Variants in ZNF41 observed in about 807,000 individuals in gnomAD.
ZNF41 encodes the protein zinc finger protein 41.
In ZNF41, 6 loss-of-function variants were observed where a neutral mutation model predicts 9.3. That is an observed-to-expected ratio of 0.65 (90% CI 0.35 to 1.28). ZNF41 has a LOEUF of 1.28. ZNF41 is among the 50% of genes most tolerant of loss of function. The pLI is 0.03. For missense variants in ZNF41, 523 were observed against 585.8 expected, an observed-to-expected ratio of 0.89 and a Z score of 1.11; for synonymous variants, 192 against 207.1, an observed-to-expected ratio of 0.93 and a Z score of 0.63.
At chrX:47,460,534 A>G (rs964379433) in intron 2 of ZNF41, among the ~76,000 whole-genome samples, 2 of 111,977 alleles carry the variant, frequency 1.8e-5, no homozygotes, top group African/African-American at 6.5e-5. Flanking sequence ...GCTCAGCTAG[A>G]AGATGTAGAG....
intron 1 of ZNF41, among the ~76,000 whole-genome samples, chrX:47,469,855 G>A (rs1463859552): frequency 9.0e-6 from 1 of 111,127 alleles, no homozygotes; most frequent in Non-Finnish European, 1.9e-5. Flanking sequence ...GAGTGAGAGA[G>A]AGAGAGAGAC....
At position 47,448,346 on chromosome X, in the gene ZNF41, G is replaced by A; in HGVS notation, c.1424C>T (p.Ser475Phe). 8.3e-7 allele frequency: 1 copy of A among 1,209,905 alleles called. No individual in the cohort carries two copies. The highest frequency in any genetic ancestry group is 1.1e-6 in the Non-Finnish European group (1 of 894,632). Residue 475 changes from serine to phenylalanine, a missense_variant, in exon 5 of 5, where the codon TCC becomes TTC. Coordinates refer to ENST00000684689, the MANE Select transcript of ZNF41 (RefSeq NM_001324144.2). ...KPYECSDCGK[S>F]FTKKSQLHVH... ...ATGGAGTTGTGACTTCTTAGTGAAG[G>A]ATTTCCCACAGTCACTGCATTCATA...
At chrX:47,459,827 A>G (rs1400779967) in intron 2 of ZNF41, among the ~76,000 whole-genome samples, 1 of 107,106 alleles carries the variant, frequency 9.3e-6, no homozygotes, top group East Asian at 2.9e-4. Flanking sequence ...TCTGAGCTCT[A>G]TTTCACATTA....
chrX:47,449,403 G>T lies in ZNF41; in HGVS notation c.367C>A (p.Gln123Lys). ...GIFFHCERFDQPIGEDSLCSI... is the reference protein window; with the variant it reads ...GIFFHCERFDKPIGEDSLCSI... Reference sequence around the variant, plus strand: ...CATAATGAATCTTCTCCTATGGGTTGATCAAATCTCTCACAGTGGAAGAAA... The same window carrying T: ...CATAATGAATCTTCTCCTATGGGTTTATCAAATCTCTCACAGTGGAAGAAA... Residue 123 changes from glutamine (Q) to lysine (K), a missense_variant, in exon 5 of 5, where the codon CAA becomes AAA. Gln to Lys is a moderately conservative substitution (Grantham distance 53, BLOSUM62 1). Coordinates refer to ENST00000684689, the MANE Select transcript of ZNF41 (RefSeq NM_001324144.2). 1 of 1,210,349 alleles carries T rather than the reference G, an allele frequency of 8.3e-7. No homozygotes were observed. The highest frequency in any genetic ancestry group is 1.1e-6 in the Non-Finnish European group (1 of 894,535).
At chrX:47,458,362 T>C (rs927520837) in intron 2 of ZNF41, among the ~76,000 whole-genome samples, 1 of 112,111 alleles carries the variant, frequency 8.9e-6, no homozygotes, top group Non-Finnish European at 1.9e-5. Context: ...TAAGAATTTA[T>C]TGGATTAAGA....
intron 2 of ZNF41, among the ~76,000 whole-genome samples, chrX:47,460,098 T>C (rs925697854): frequency 1.8e-5 from 2 of 111,034 alleles, no homozygotes; most frequent in Admixed American, 9.7e-5. Flanking sequence ...AAATAAAATA[T>C]ATAGCACACA....
intron 2 of ZNF41, among the ~76,000 whole-genome samples, chrX:47,460,013 C>G (rs1181318275): frequency 1.8e-5 from 2 of 110,464 alleles, no homozygotes; most frequent in Non-Finnish European, 3.8e-5. Flanking sequence ...CTTTGGGAGG[C>G]CAAGGCAGGA....
intron 2 of ZNF41, among the ~76,000 whole-genome samples, chrX:47,462,964 CACAT>C (rs780144241): frequency 0.22 from 22,680 of 103,851 alleles, 2,522 homozygotes; most frequent in South Asian, 0.37. Context: ...CACACACACA[CACAT>C]ATGTGTACAC....
intron 2 of ZNF41, among the ~76,000 whole-genome samples, chrX:47,458,782 GTTTTT>G (rs1184827489): frequency 8.1e-4 from 84 of 103,456 alleles, no homozygotes; most frequent in African/African-American, 2.9e-3. Context: ...TTTTTGTTTT[GTTTTT>G]TTTTTTTGTA....
At position 47,448,815 on chromosome X, in the gene ZNF41, T is replaced by C. The variant is rs375652777; in HGVS notation, c.955A>G (p.Ser319Gly). Residue 319 changes from serine (S) to glycine (G), a missense_variant, in exon 5 of 5, where the codon AGT becomes GGT. Ser to Gly is a moderately conservative substitution (Grantham distance 56). Transcript: ENST00000684689. ...TAGGGTTTTTCTCCTGTATAAACAC[T>C]TGGATGTACATCAACCTGGGGTTTC... The part of the protein sequence containing the change: ...PQKPQVDVHP[S>G]VYTGEKPYLC... The C allele has an allele frequency of 8.3e-7, 1 of 1,211,783 alleles. No homozygotes were observed.
chrX:47,450,406 A>T (rs6608722), intron 4 of ZNF41, among the ~76,000 whole-genome samples: 32,960 of 109,095 alleles, frequency 0.3, 3,744 homozygotes, highest in South Asian at 0.43. Flanking sequence ...AGACGGGGTT[A>T]CACCATGTTG....
chrX:47,450,316 T>C (rs777095435), intron 4 of ZNF41, among the ~76,000 whole-genome samples: 1 of 110,946 alleles, frequency 9.0e-6, no homozygotes, highest in East Asian at 2.8e-4. Context: ...GTTCAAGTGG[T>C]TCGCCTGCTT....
At chrX:47,458,768 T>A (rs2056664721) in intron 2 of ZNF41, among the ~76,000 whole-genome samples, 1 of 107,189 alleles carries the variant, frequency 9.3e-6, no homozygotes, top group African/African-American at 3.4e-5. Flanking sequence ...GCTGCTTCGT[T>A]TTTTTTTTGT....
At chrX:47,454,659 T>C (rs992827585) in intron 4 of ZNF41, among the ~76,000 whole-genome samples, 1 of 111,178 alleles carries the variant, frequency 9.0e-6, no homozygotes, top group Non-Finnish European at 1.9e-5. Context: ...CATGACTAGG[T>C]GAGTGGTTAA....
intron 1 of ZNF41, among the ~76,000 whole-genome samples, chrX:47,468,311 C>T (rs753491006): frequency 9.0e-6 from 1 of 111,718 alleles, no homozygotes; most frequent in Non-Finnish European, 1.9e-5. Flanking sequence ...GTTCCTGCTA[C>T]CTTCAAAGTG....
Position 47,448,468 on chromosome X carries a change from C to T in ZNF41, c.1302G>A (p.Thr434=), listed in dbSNP as rs746942789. 9.1e-6 allele frequency: 11 copies of T among 1,210,745 alleles called. No homozygotes were observed. Among genetic ancestry groups the T allele is most frequent in the East Asian group, 3.0e-5 (1 of 33,795 alleles). ...SALRMHQRIH[T]GEKPYVCADC... is the part of the protein sequence containing the mutation. ...CAGCGCATACATAAGGTTTCTCTCC[C>T]GTGTGGATTCTCTGATGCATCCTGA... The change falls in exon 5 of 5, where the codon ACG becomes ACA. Residue 434 remains threonine (T), a synonymous_variant. Coordinates refer to ENST00000684689, the MANE Select transcript of ZNF41 (RefSeq NM_001324144.2).
chrX:47,478,385 T>C lies in ZNF41; in HGVS notation c.-280+4710A>G, dbSNP rs774381744. On this transcript the variant is annotated intron_variant, in intron 1 of 4. Coordinates refer to ENST00000684689, the MANE Select transcript of ZNF41 (RefSeq NM_001324144.2). ...AGCCAGGTGTGGTGGCACGCACCTA[T>C]AGTCCCAGCTACGTGGGAGGCTGAG... Among the ~76,000 whole-genome samples the C allele has an allele frequency of 6.3e-3, 700 of 110,714 alleles. 7 individuals are homozygous for C. Among genetic ancestry groups the C allele is most frequent in the African/African-American group, 0.022 (665 of 30,421 alleles).
At chrX:47,470,448 C>T (rs2057156346) in intron 1 of ZNF41, among the ~76,000 whole-genome samples, 1 of 103,785 alleles carries the variant, frequency 9.6e-6, no homozygotes, top group South Asian at 4.3e-4. Context: ...CACGACCGGC[C>T]AGGCACAGTG....
At chrX:47,460,305 G>A (rs1292802534) in intron 2 of ZNF41, among the ~76,000 whole-genome samples, 2 of 112,000 alleles carry the variant, frequency 1.8e-5, no homozygotes, top group Non-Finnish European at 3.8e-5. Flanking sequence ...AGACTTAAAT[G>A]TGAAAGGCAA....
Sources: gnomAD v4.1 joint callset for allele counts (sites outside exome capture counted in the v4.1 genomes callset) on GRCh38, gnomAD v4.1.1 for gene constraint, MANE v1.5 for transcripts, NCBI Gene and HGNC (gene_info 2026-07-23, HGNC 2026-07-21) for gene names.